PIK3C2A: variants seen among roughly 807,000 people sequenced by gnomAD.
PIK3C2A encodes the protein phosphatidylinositol-4-phosphate 3-kinase catalytic subunit type 2 alpha, also known as phosphatidylinositol 4-phosphate 3-kinase C2 domain-containing subunit alpha.
A neutral mutation model predicts 204.5 loss-of-function variants in PIK3C2A; 97 were observed. That is an observed-to-expected ratio of 0.47 (90% CI 0.40 to 0.56). The LOEUF (loss-of-function observed/expected upper bound fraction) is 0.56, where lower values mean the gene tolerates loss of function less well. PIK3C2A is among the 20% of genes least tolerant of loss of function. PIK3C2A has a pLI of 0.00. For missense variants in PIK3C2A, 1,735 were observed against 1,969.2 expected (o/e 0.88, Z 2.25); for synonymous variants, 653 against 664.4 (o/e 0.98, Z 0.26).
At chr11:17,192,099 C>A (rs952045354) in intron 1 of PIK3C2A, among the ~76,000 whole-genome samples, 1 of 152,018 alleles carries the variant, frequency 6.6e-6, no homozygotes, top group African/African-American at 2.4e-5. Flanking sequence ...AAGCGGAGAT[C>A]GCACCACTGC....
rs546966105 is a variant in PIK3C2A, at chr11:17,207,312, G to A, written c.-66+536C>T. 8.5e-5 allele frequency among the ~76,000 whole-genome samples: 13 copies of A among 152,314 alleles called. 1 individual carries two copies. The South Asian group carries it at 2.7e-3, about 32-fold the overall frequency. ...CAAAGCAAGTGGATTCGCGGCTAAAGGCAACGCGGTGGGAGTGGGGGGTCC... is the reference window on the plus strand; with the variant it reads ...CAAAGCAAGTGGATTCGCGGCTAAAAGCAACGCGGTGGGAGTGGGGGGTCC... On this transcript the variant is annotated intron_variant, in intron 1 of 32. Coordinates refer to ENST00000691414, the MANE Select transcript of PIK3C2A (RefSeq NM_002645.4).
chr11:17,122,339 A>C lies in PIK3C2A; in HGVS notation c.2512-6T>G. 1.3e-6 allele frequency: 2 copies of C among 1,508,968 alleles called. No homozygotes were observed. Among genetic ancestry groups the C allele is most frequent in the South Asian group, 2.3e-5 (2 of 86,226 alleles). 93.5% of individuals were successfully genotyped at this position (1,508,968 alleles called of 1,614,324 possible). On this transcript the variant is annotated splice_polypyrimidine_tract_variant and splice_region_variant and intron_variant, in intron 14 of 32. Transcript: ENST00000691414. ...GCAGGAGAAGGAAAATCAACCTTTA[A>C]AATTTAACAGAAATTGATCAAATTA...
chr11:17,137,712 A>G (rs1482723575), intron 8 of PIK3C2A, among the ~76,000 whole-genome samples: 2 of 152,192 alleles, frequency 1.3e-5, no homozygotes. Context: ...CCTGGCCTAC[A>G]CTACTCTTTA....
chr11:17,133,398 T>C (rs955877031), intron 11 of PIK3C2A, among the ~76,000 whole-genome samples: 2 of 152,146 alleles, frequency 1.3e-5, no homozygotes, highest in African/African-American at 4.8e-5. Flanking sequence ...CTTGTACTAC[T>C]GAATCCCCGG....
Position 17,091,377 on chromosome 11 carries a change from GT to G in PIK3C2A, c.4834del (p.Thr1612ProfsTer26). ...ATTCCTCGTTTTTCGTGAAATTTTGGTTTTACGTTTGGATGTTTTGTGGTTA... is the reference window on the plus strand; with the variant it reads ...ATTCCTCGTTTTTCGTGAAATTTTGGTTTACGTTTGGATGTTTTGTGGTTA... The part of the protein sequence containing the change: ...PDNHKTSKRK[T>X]KISRKTRNPT... On this transcript the variant is annotated frameshift_variant, in exon 32 of 33. Transcript: ENST00000691414. LOFTEE classifies it high-confidence loss of function. 1 of 1,613,834 alleles carries G rather than the reference GT, an allele frequency of 6.2e-7. No homozygotes were observed. Among genetic ancestry groups the G allele is most frequent in the Non-Finnish European group, 8.5e-7 (1 of 1,179,830 alleles).
chr11:17,153,404 C>T (rs1565277481), intron 3 of PIK3C2A, among the ~76,000 whole-genome samples: 1 of 150,632 alleles, frequency 6.6e-6, no homozygotes, highest in Non-Finnish European at 1.5e-5. Flanking sequence ...CACTGCATTC[C>T]ACCCTGGGCA....
Position 17,086,875 on chromosome 11 carries a change from T to C in PIK3C2A, c.*2863A>G, listed in dbSNP as rs1848177025. ...TTTTTTAAATGTCACAATATTTGAA[T>C]CCTAGAAAGAATAGGCAACTAATTT... On this transcript the variant is annotated 3_prime_UTR_variant, in exon 33 of 33. Transcript: ENST00000691414. 1 of 152,152 alleles carries C rather than the reference T, an allele frequency of 6.6e-6. No homozygotes were observed. The highest frequency in any genetic ancestry group is 1.5e-5 in the Non-Finnish European group (1 of 68,008). 9.4% of individuals were successfully genotyped at this position (152,152 alleles called of 1,614,324 possible).
At chr11:17,096,315 G>A (rs1254188620) in intron 27 of PIK3C2A, among the ~76,000 whole-genome samples, 1 of 152,140 alleles carries the variant, frequency 6.6e-6, no homozygotes, top group African/African-American at 2.4e-5. Flanking sequence ...TGGGATTATA[G>A]GCATGAGCCA....
At chr11:17,188,660 T>C (rs1324891195) in intron 1 of PIK3C2A, among the ~76,000 whole-genome samples, 2 of 147,026 alleles carry the variant, frequency 1.4e-5, no homozygotes, top group Non-Finnish European at 2.9e-5. Context: ...TGTACCCATC[T>C]ACCAACTCTC....
intron 22 of PIK3C2A, among the ~76,000 whole-genome samples, chr11:17,105,631 GTGGGAACATGAGATGTT>G (rs1848787019): frequency 6.6e-6 from 1 of 152,170 alleles, no homozygotes; most frequent in Admixed American, 6.6e-5. Flanking sequence ...CCACATATGA[GTGGGAACATGAGATGTT>G]TGGTTTTCTG....
At chr11:17,101,652 G>A (rs2137286318) in intron 24 of PIK3C2A, among the ~76,000 whole-genome samples, 1 of 146,004 alleles carries the variant, frequency 6.8e-6, no homozygotes, top group East Asian at 2.0e-4. Flanking sequence ...CGCCCAGGCT[G>A]GAGTGCAGTG....
intron 1 of PIK3C2A, among the ~76,000 whole-genome samples, chr11:17,201,999 T>C (rs937327079): frequency 1.3e-5 from 2 of 152,098 alleles, no homozygotes; most frequent in African/African-American, 4.8e-5. Flanking sequence ...CCCACACCTG[T>C]AATCCCAGCA....
chr11:17,117,665 G>T lies in PIK3C2A; in HGVS notation c.3042C>A (p.Leu1014=). 3 of 1,470,432 alleles carry T rather than the reference G, an allele frequency of 2.0e-6. No individual in the cohort carries two copies. Among genetic ancestry groups the T allele is most frequent in the South Asian group, 2.3e-5 (2 of 87,052 alleles). 91.1% of individuals were successfully genotyped at this position (1,470,432 alleles called of 1,614,324 possible). Residue 1014 remains leucine, a synonymous_variant, in exon 19 of 33, where the codon CTC becomes CTA. Coordinates refer to ENST00000691414, the MANE Select transcript of PIK3C2A (RefSeq NM_002645.4). ...IQIAHNLYWL[L]KDALHDVQFS... The stretch of plus-strand genomic sequence containing the variant: ...ACTGTACATCATGCAGGGCATCTTT[G>T]AGAAGCCTAATACAGCAAAATATTT...
intron 1 of PIK3C2A, among the ~76,000 whole-genome samples, chr11:17,196,097 TAAGAA>T (rs1037509707): frequency 6.6e-5 from 10 of 151,910 alleles, no homozygotes; most frequent in African/African-American, 2.4e-4. Flanking sequence ...CATTGTGGAT[TAAGAA>T]AAGAAACAAA....
At chr11:17,180,166 T>A (rs549911631) in intron 1 of PIK3C2A, among the ~76,000 whole-genome samples, 2 of 152,008 alleles carry the variant, frequency 1.3e-5, no homozygotes, top group African/African-American at 4.8e-5. Context: ...AAAATAAAAA[T>A]AACTGAACCA....
chr11:17,203,827 C>T (rs2137590785), intron 1 of PIK3C2A, among the ~76,000 whole-genome samples: 1 of 152,214 alleles, frequency 6.6e-6, no homozygotes. Flanking sequence ...AATCCCAGCA[C>T]TTTGGGAGGC....
At chr11:17,183,458 C>T (rs540427541) in intron 1 of PIK3C2A, among the ~76,000 whole-genome samples, 1 of 151,984 alleles carries the variant, frequency 6.6e-6, no homozygotes, top group Non-Finnish European at 1.5e-5. Flanking sequence ...GGTGGATCAC[C>T]TGAGGTCAGG....
At chr11:17,101,756 A>G (rs761323601) in intron 24 of PIK3C2A, among the ~76,000 whole-genome samples, 4 of 151,350 alleles carry the variant, frequency 2.6e-5, no homozygotes, top group Non-Finnish European at 5.9e-5. Context: ...GGGGCCCGCC[A>G]CCACGCCCGG....
At chr11:17,148,430 A>G in intron 5 of PIK3C2A, 1 of 422,236 alleles carries the variant, frequency 2.4e-6, no homozygotes, top group Non-Finnish European at 4.3e-6. Flanking sequence ...CTCTTCCTGT[A>G]AAGACTACAA....
Sources: allele counts gnomAD v4.1 joint callset (sites outside exome capture counted in the v4.1 genomes callset), GRCh38; gene constraint gnomAD v4.1.1; transcripts MANE v1.5; gene names NCBI Gene and HGNC (gene_info 2026-07-23, HGNC 2026-07-21).